Variants in LOC112694756 observed in about 807,000 individuals in gnomAD.
chr16:30,055,738 G>GA, the LOC112694756 span, among the ~76,000 whole-genome samples: 1 of 150,778 alleles, frequency 6.6e-6, no homozygotes, highest in Non-Finnish European at 1.5e-5. Context: ...GAACTAAGTT[G>GA]TTTTTTTTTC....
the LOC112694756 span, among the ~76,000 whole-genome samples, chr16:30,063,261 G>A: frequency 1.3e-5 from 2 of 152,132 alleles, no homozygotes; most frequent in African/African-American, 2.4e-5. Flanking sequence ...CAAAAATGGT[G>A]AATGAGACCC....
the LOC112694756 span, chr16:30,064,110 G>T: frequency 2.5e-6 from 1 of 396,522 alleles, no homozygotes; most frequent in South Asian, 1.3e-4. Context: ...ACACGTCAAC[G>T]ATTCTATTTG....
chr16:30,062,130 G>A, the LOC112694756 span, among the ~76,000 whole-genome samples: 1 of 152,078 alleles, frequency 6.6e-6, no homozygotes, highest in Admixed American at 6.5e-5. Context: ...TTGAACCCGG[G>A]AGGCAGAGGT....
At chr16:30,067,600 C>T in the LOC112694756 span, 10 of 1,613,964 alleles carry the variant, frequency 6.2e-6, no homozygotes, top group Admixed American at 3.3e-5. Context: ...TACCAGAAGG[C>T]GGATGATGGG....
chr16:30,067,867 A>C, the LOC112694756 span: 7 of 645,058 alleles, frequency 1.1e-5, no homozygotes, highest in Non-Finnish European at 1.6e-5. Context: ...AAAATCTCAG[A>C]AGCTCAGGGA....
At chr16:30,059,696 GAGATT>G in the LOC112694756 span, among the ~76,000 whole-genome samples, 12 of 151,566 alleles carry the variant, frequency 7.9e-5, no homozygotes, top group Admixed American at 7.9e-4. Flanking sequence ...CCAAGTAGCT[GAGATT>G]ACAGGCACCT....
the LOC112694756 span, chr16:30,059,038 A>G: frequency 2.5e-6 from 1 of 398,434 alleles, no homozygotes; most frequent in Non-Finnish European, 4.4e-6. Context: ...TCAGCCCTGC[A>G]TGCGATCAGA....
the LOC112694756 span, chr16:30,058,976 C>T: frequency 2.5e-6 from 1 of 398,576 alleles, no homozygotes. Flanking sequence ...GAGAAATAAC[C>T]AGGCCATTAC....
chr16:30,059,269 G>A, the LOC112694756 span, among the ~76,000 whole-genome samples: 8 of 151,914 alleles, frequency 5.3e-5, no homozygotes, highest in South Asian at 2.1e-4. Context: ...AGGCCAAGGC[G>A]GGCAGATCAC....
At chr16:30,059,849 G>A in the LOC112694756 span, among the ~76,000 whole-genome samples, 1 of 151,610 alleles carries the variant, frequency 6.6e-6, no homozygotes, top group Non-Finnish European at 1.5e-5. Flanking sequence ...ATACAGGCGT[G>A]AGTCGCCATG....
chr16:30,066,037 TC>T, the LOC112694756 span: 1 of 152,762 alleles, frequency 6.5e-6, no homozygotes, highest in Non-Finnish European at 1.5e-5. Context: ...TGCCAGCGTC[TC>T]CCCACTACCA....
the LOC112694756 span, chr16:30,066,769 T>A: frequency 8.4e-7 from 1 of 1,193,440 alleles, no homozygotes; most frequent in African/African-American, 1.5e-5. Flanking sequence ...GGTTGCTGTG[T>A]GGCTTGAAGC....
chr16:30,056,077 A>G, the LOC112694756 span, among the ~76,000 whole-genome samples: 1 of 143,756 alleles, frequency 7.0e-6, no homozygotes, highest in Admixed American at 7.1e-5. Flanking sequence ...CTGGGATTAC[A>G]GGCGTGAGCC....
the LOC112694756 span, chr16:30,054,603 GAT>G: frequency 2.5e-6 from 1 of 393,254 alleles, no homozygotes; most frequent in Non-Finnish European, 4.5e-6. Flanking sequence ...AACTGGGAAT[GAT>G]AGGGAAAAAG....
At chr16:30,055,537 A>C in the LOC112694756 span, among the ~76,000 whole-genome samples, 1 of 152,212 alleles carries the variant, frequency 6.6e-6, no homozygotes, top group Admixed American at 6.5e-5. Context: ...ATAGGGTGCC[A>C]GCTGGAGAAA....
the LOC112694756 span, chr16:30,068,299 C>T: frequency 1.4e-5 from 5 of 358,614 alleles, no homozygotes; most frequent in African/African-American, 2.1e-5. Context: ...CTCCTGATCT[C>T]GTGATCTGCC....
At chr16:30,067,838 C>A in the LOC112694756 span, 2 of 730,870 alleles carry the variant, frequency 2.7e-6, no homozygotes, top group East Asian at 2.7e-5. Context: ...AGAACAGTAT[C>A]ATTCCCACTT....
the LOC112694756 span, chr16:30,058,838 CA>C: frequency 5.1e-6 from 2 of 392,310 alleles, no homozygotes; most frequent in East Asian, 7.2e-5. Context: ...TTCATTCATT[CA>C]TTGACTCACT....
At chr16:30,069,789 TCTCTGACCACAGCCC>T in the LOC112694756 span, 2 of 1,613,078 alleles carry the variant, frequency 1.2e-6, no homozygotes, top group South Asian at 2.2e-5. Context: ...GCTTCCTGGG[TCTCTGACCACAGCCC>T]CTCTCGCCTC....
Sources: allele counts gnomAD v4.1 joint callset (sites outside exome capture counted in the v4.1 genomes callset), GRCh38; gene constraint gnomAD v4.1.1; transcripts MANE v1.5.